CASQ2: variants seen among roughly 807,000 people sequenced by gnomAD.
CASQ2 encodes calsequestrin 2.
CASQ2 carries 49 observed loss-of-function variants against 46.5 expected under a neutral mutation model. The ratio of observed to expected loss-of-function variants is 1.05; its 90% CI spans 0.84 to 1.34. The LOEUF (loss-of-function observed/expected upper bound fraction) is 1.34. CASQ2 is among the 40% of genes most tolerant of loss of function. The pLI is 0.00. For synonymous variants in CASQ2, 174 were observed against 168.5 expected (o/e 1.03, Z -0.25); for missense variants, 486 against 481.3 (o/e 1.01, Z -0.09).
chr1:115,706,984 C>T (rs1277082336), intron 8 of CASQ2, among the ~76,000 whole-genome samples: 2 of 151,774 alleles, frequency 1.3e-5, no homozygotes, highest in Non-Finnish European at 2.9e-5. Flanking sequence ...GCTGAGCCCC[C>T]TTAGGCCTTA....
At chr1:115,757,764 C>T (rs914084493) in intron 1 of CASQ2, among the ~76,000 whole-genome samples, 46 of 152,238 alleles carry the variant, frequency 3.0e-4, no homozygotes, top group African/African-American at 9.4e-4. Flanking sequence ...GCAAGGGTAA[C>T]GAACAGGTTC....
At chr1:115,741,580 T>C (rs1345640871) in intron 2 of CASQ2, among the ~76,000 whole-genome samples, 1 of 152,212 alleles carries the variant, frequency 6.6e-6, no homozygotes, top group Admixed American at 6.5e-5. Flanking sequence ...AGAGGCTGTG[T>C]ACATCAGCAA....
chr1:115,757,863 T>C (rs1397341111), intron 1 of CASQ2, among the ~76,000 whole-genome samples: 2 of 152,224 alleles, frequency 1.3e-5, no homozygotes, highest in African/African-American at 4.8e-5. Flanking sequence ...AGGAGAAGTA[T>C]ATTTTCAGTA....
At chr1:115,707,085 T>C (rs377144989) in intron 8 of CASQ2, among the ~76,000 whole-genome samples, 3 of 151,668 alleles carry the variant, frequency 2.0e-5, no homozygotes, top group South Asian at 4.2e-4. Context: ...GGTGGGATCA[T>C]AGCTCACAGC....
At chr1:115,736,476 A>C (rs1267639797) in intron 4 of CASQ2, among the ~76,000 whole-genome samples, 1 of 151,740 alleles carries the variant, frequency 6.6e-6, no homozygotes, top group African/African-American at 2.4e-5. Flanking sequence ...GTCTCTACTA[A>C]AAACACTAAA....
chr1:115,761,318 AC>A (rs1307454883), intron 1 of CASQ2, among the ~76,000 whole-genome samples: 1 of 136,224 alleles, frequency 7.3e-6, no homozygotes, highest in Non-Finnish European at 1.5e-5. Context: ...AATTGCTTGA[AC>A]CCGGAAGGAG....
chr1:115,751,352 G>A (rs781447136), intron 1 of CASQ2, among the ~76,000 whole-genome samples: 1 of 152,156 alleles, frequency 6.6e-6, no homozygotes, highest in Non-Finnish European at 1.5e-5. Context: ...TGTGATTTAA[G>A]GAGGTAGGAA....
chr1:115,718,309 G>T (rs1157249706), intron 7 of CASQ2, among the ~76,000 whole-genome samples: 1 of 152,210 alleles, frequency 6.6e-6, no homozygotes, highest in East Asian at 1.9e-4. Flanking sequence ...AAAAGCAGCT[G>T]TCAGTCTCTG....
chr1:115,721,270 T>C (rs1329880983), intron 7 of CASQ2, among the ~76,000 whole-genome samples: 1 of 152,148 alleles, frequency 6.6e-6, no homozygotes, highest in Admixed American at 6.5e-5. Flanking sequence ...GGGTGAGGTC[T>C]CCAGGGGGAA....
intron 1 of CASQ2, among the ~76,000 whole-genome samples, chr1:115,766,861 G>GAAATGAT (rs1036059718): frequency 4.2e-5 from 6 of 143,692 alleles, no homozygotes; most frequent in African/African-American, 1.6e-4. Context: ...GGGGGAGCTA[G>GAAATGAT]AGATGATAGA....
chr1:115,756,775 C>T (rs1484074074), intron 1 of CASQ2, among the ~76,000 whole-genome samples: 10 of 152,048 alleles, frequency 6.6e-5, no homozygotes. Context: ...GACGAAACCC[C>T]GTATCTACTA....
chr1:115,706,131 T>C (rs10801936), intron 8 of CASQ2, among the ~76,000 whole-genome samples: 59,027 of 151,856 alleles, frequency 0.39, 12,664 homozygotes, highest in African/African-American at 0.56. Flanking sequence ...AATAATAAAC[T>C]GTGCCTGTGT....
In CASQ2 at chr1:115,736,181, A is replaced by G. The variant is rs868614061; in HGVS notation, c.532+2043T>C. On this transcript the variant is annotated intron_variant, in intron 4 of 10. Coordinates refer to ENST00000261448, the MANE Select transcript of CASQ2 (RefSeq NM_001232.4). Reference sequence around the variant, plus strand: ...TCCATCCCGAAAAAAAAAAAAAAAAATAGAAAAAGCAATGGATATTGTCCT... The same window carrying G: ...TCCATCCCGAAAAAAAAAAAAAAAAGTAGAAAAAGCAATGGATATTGTCCT... Among the ~76,000 whole-genome samples, 398 of 151,230 alleles carry G rather than the reference A, an allele frequency of 2.6e-3. 2 individuals are homozygous for G. The highest frequency in any genetic ancestry group is 4.3e-3 in the Non-Finnish European group (291 of 67,764).
chr1:115,712,289 G>C (rs1177043799), intron 8 of CASQ2, among the ~76,000 whole-genome samples: 1 of 152,178 alleles, frequency 6.6e-6, no homozygotes, highest in East Asian at 1.9e-4. Flanking sequence ...TGAGACATGT[G>C]AATACGCTAC....
chr1:115,747,482 C>T (rs542505014), intron 1 of CASQ2, among the ~76,000 whole-genome samples: 2 of 152,064 alleles, frequency 1.3e-5, no homozygotes, highest in South Asian at 2.1e-4. Flanking sequence ...TTTGTATAAA[C>T]TTCAGAATAA....
At chr1:115,712,266 A>G (rs1251043697) in intron 8 of CASQ2, among the ~76,000 whole-genome samples, 1 of 152,216 alleles carries the variant, frequency 6.6e-6, no homozygotes, top group African/African-American at 2.4e-5. Context: ...CCCCACAGCT[A>G]TGAGACGGCA....
intron 2 of CASQ2, among the ~76,000 whole-genome samples, chr1:115,742,032 T>C (rs17568568): frequency 0.06 from 9,124 of 152,106 alleles, 388 homozygotes; most frequent in Non-Finnish European, 0.089. Context: ...AAAGGAGCAA[T>C]GTGCCAGGTA....
intron 1 of CASQ2, among the ~76,000 whole-genome samples, chr1:115,753,621 G>T (rs115144379): frequency 1.3e-5 from 2 of 152,160 alleles, no homozygotes; most frequent in African/African-American, 4.8e-5. Context: ...CGTGACTGCC[G>T]CTGGGGCTCC....
chr1:115,745,244 G>A (rs765907213), intron 1 of CASQ2, among the ~76,000 whole-genome samples: 11 of 152,174 alleles, frequency 7.2e-5, no homozygotes, highest in Non-Finnish European at 1.3e-4. Flanking sequence ...GGAAGCATGG[G>A]TGCCTGACAA....
Sources: allele counts gnomAD v4.1 joint callset (sites outside exome capture counted in the v4.1 genomes callset), GRCh38; gene constraint gnomAD v4.1.1; transcripts MANE v1.5; gene names NCBI Gene and HGNC (gene_info 2026-07-23, HGNC 2026-07-21).